The following ZNF644 variants were observed in gnomAD, a reference collection of about 807,000 sequenced individuals.
ZNF644 encodes the protein zinc finger protein 644.
ZNF644 carries 20 observed loss-of-function variants against 108.0 expected under a neutral mutation model. The ratio of observed to expected loss-of-function variants is 0.19; its 90% confidence interval spans 0.13 to 0.27. The LOEUF is 0.27. Among genes scored for constraint, ZNF644 ranks in the 10% least tolerant of loss-of-function variants. The pLI, the probability that ZNF644 is intolerant of heterozygous loss-of-function variation, is 1.00. For synonymous variants in ZNF644, 542 were observed against 539.1 expected, an observed-to-expected ratio of 1.01 and a Z score of -0.08; for missense variants, 1,338 against 1,548.9, an observed-to-expected ratio of 0.86 and a Z score of 2.29.
intron 4 of ZNF644, among the ~76,000 whole-genome samples, chr1:90,937,041 G>C (rs1362016119): frequency 6.6e-6 from 1 of 152,124 alleles, no homozygotes; most frequent in Non-Finnish European, 1.5e-5. Flanking sequence ...CTAAGCAGTG[G>C]AAAAACCAAC....
intron 4 of ZNF644, among the ~76,000 whole-genome samples, chr1:90,929,022 T>C (rs1650407550): frequency 1.3e-5 from 2 of 152,208 alleles, no homozygotes; most frequent in South Asian, 4.1e-4. Flanking sequence ...CTCAAACTTT[T>C]GTTGAATGAA....
intron 2 of ZNF644, among the ~76,000 whole-genome samples, chr1:90,961,334 G>A (rs1473653577): frequency 6.6e-6 from 1 of 152,148 alleles, no homozygotes; most frequent in Non-Finnish European, 1.5e-5. Context: ...TTTATTAACA[G>A]TTTGATTAAA....
At chr1:91,004,813 C>T (rs1659251485) in intron 1 of ZNF644, among the ~76,000 whole-genome samples, 1 of 151,948 alleles carries the variant, frequency 6.6e-6, no homozygotes. Context: ...CCAGGGCAAC[C>T]ACTACAAAAA....
At chr1:90,923,968 TAAAGAA>T (rs1649745351) in intron 4 of ZNF644, among the ~76,000 whole-genome samples, 1 of 152,102 alleles carries the variant, frequency 6.6e-6, no homozygotes, top group African/African-American at 2.4e-5. Context: ...TGGATTCAGT[TAAAGAA>T]AAAGTACAAT....
intron 2 of ZNF644, among the ~76,000 whole-genome samples, chr1:90,974,044 T>C (rs559685676): frequency 2.0e-5 from 3 of 152,282 alleles, no homozygotes; most frequent in Admixed American, 2.0e-4. Context: ...TAGGTGTCCG[T>C]ATAGATGTGT....
chr1:90,989,420 G>A (rs1657421732), intron 1 of ZNF644, among the ~76,000 whole-genome samples: 1 of 152,146 alleles, frequency 6.6e-6, no homozygotes, highest in Non-Finnish European at 1.5e-5. Flanking sequence ...GCACGCGTTT[G>A]TAGTACCAGC....
At chr1:90,982,628 TAA>T (rs888283397) in intron 1 of ZNF644, among the ~76,000 whole-genome samples, 1 of 151,494 alleles carries the variant, frequency 6.6e-6, no homozygotes, top group African/African-American at 2.4e-5. Flanking sequence ...TTCTTTTTTT[TAA>T]AAAAAATTCT....
At chr1:90,948,541 C>T (rs1341369445) in intron 2 of ZNF644, among the ~76,000 whole-genome samples, 1 of 152,172 alleles carries the variant, frequency 6.6e-6, no homozygotes, top group Admixed American at 6.5e-5. Flanking sequence ...TACTTAAGTC[C>T]CCGCACTTGA....
chr1:91,003,268 C>T (rs1659067645), intron 1 of ZNF644, among the ~76,000 whole-genome samples: 1 of 152,110 alleles, frequency 6.6e-6, no homozygotes, highest in Non-Finnish European at 1.5e-5. Context: ...ATAGCAAAGA[C>T]TTGGAACCAA....
chr1:90,999,371 G>A (rs544514995), intron 1 of ZNF644, among the ~76,000 whole-genome samples: 1 of 152,182 alleles, frequency 6.6e-6, no homozygotes, highest in Non-Finnish European at 1.5e-5. Flanking sequence ...AGCCAGAAGA[G>A]AGTGGTGGCA....
chr1:90,993,513 T>C (rs953840828), intron 1 of ZNF644, among the ~76,000 whole-genome samples: 2 of 152,202 alleles, frequency 1.3e-5, no homozygotes, highest in African/African-American at 4.8e-5. Context: ...AGTTTCAAAG[T>C]AATTTGTTAC....
intron 2 of ZNF644, among the ~76,000 whole-genome samples, chr1:90,954,800 C>T (rs1040470324): frequency 4.6e-5 from 7 of 152,196 alleles, no homozygotes; most frequent in African/African-American, 1.7e-4. Flanking sequence ...CAAAGTCATA[C>T]ATGAGGGTTG....
In ZNF644 at chr1:90,915,478, C is replaced by G. The variant is rs1324949082; in HGVS notation, c.*1320G>C. Reference sequence around the variant, plus strand: ...GAATCAATGCATATCCTTGGTTCAACTATAGTATTAGCCATACTACATGAA... The same window carrying G: ...GAATCAATGCATATCCTTGGTTCAAGTATAGTATTAGCCATACTACATGAA... On this transcript the variant is annotated 3_prime_UTR_variant, in exon 6 of 6. Coordinates refer to ENST00000337393, the MANE Select transcript of ZNF644 (RefSeq NM_201269.3). 1 of 152,488 alleles carries G rather than the reference C, an allele frequency of 6.6e-6. No individual in the cohort carries two copies. The highest frequency in any genetic ancestry group is 2.4e-5 in the African/African-American group (1 of 41,408). The allele number at this position is 152,488 out of a possible 1,614,324, so 9.4% of individuals were successfully genotyped here.
chr1:91,002,551 T>C (rs1394977812), intron 1 of ZNF644, among the ~76,000 whole-genome samples: 3 of 152,178 alleles, frequency 2.0e-5, no homozygotes, highest in Non-Finnish European at 2.9e-5. Flanking sequence ...AACACTTACA[T>C]GTTAGACCTA....
At chr1:90,999,751 T>G (rs1658564668) in intron 1 of ZNF644, among the ~76,000 whole-genome samples, 1 of 152,072 alleles carries the variant, frequency 6.6e-6, no homozygotes, top group African/African-American at 2.4e-5. Flanking sequence ...GCAAATTGGA[T>G]AAAGAGTCAA....
intron 1 of ZNF644, among the ~76,000 whole-genome samples, chr1:91,005,800 T>C (rs1207620418): frequency 6.6e-6 from 1 of 152,096 alleles, no homozygotes; most frequent in Non-Finnish European, 1.5e-5. Context: ...TTTATAGCTA[T>C]ATATGACTAC....
intron 2 of ZNF644, among the ~76,000 whole-genome samples, chr1:90,945,818 G>T (rs866146781): frequency 1.3e-5 from 2 of 151,974 alleles, no homozygotes; most frequent in Non-Finnish European, 2.9e-5. Flanking sequence ...TTGCAAGTAG[G>T]TTAACATTTT....
At chr1:91,008,983 A>C (rs1267681461) in intron 1 of ZNF644, among the ~76,000 whole-genome samples, 1 of 152,174 alleles carries the variant, frequency 6.6e-6, no homozygotes. Context: ...TCACACCTGT[A>C]ATCACAGCAC....
chr1:90,923,280 G>A (rs1649672479), intron 4 of ZNF644, among the ~76,000 whole-genome samples: 1 of 151,934 alleles, frequency 6.6e-6, no homozygotes, highest in Admixed American at 6.6e-5. Flanking sequence ...CCTGGGACCT[G>A]AGTATCTACT....
Sources: allele counts gnomAD v4.1 joint callset (sites outside exome capture counted in the v4.1 genomes callset), GRCh38; gene constraint gnomAD v4.1.1; transcripts MANE v1.5; gene names NCBI Gene and HGNC (gene_info 2026-07-23, HGNC 2026-07-21).